The following STXBP5L variants were observed in gnomAD, a reference collection of about 807,000 sequenced individuals.
STXBP5L encodes syntaxin-binding protein 5-like.
STXBP5L carries 65 observed loss-of-function variants against 144.5 expected under a neutral mutation model. That is an observed-to-expected ratio of 0.45 (90% CI 0.37 to 0.55). The LOEUF (loss-of-function observed/expected upper bound fraction) is 0.55, where lower values mean the gene tolerates loss of function less well. Among genes scored for constraint, STXBP5L ranks in the 20% least tolerant of loss-of-function variants. The pLI is 0.00. For synonymous variants in STXBP5L, 505 were observed against 469.6 expected (o/e 1.08, Z -0.97); for missense variants, 1,298 against 1,405.5 (o/e 0.92, Z 1.22).
In STXBP5L at chr3:121,418,573, A is replaced by T. The variant is rs2047293741; in HGVS notation, c.3447+16A>T. The stretch of plus-strand genomic sequence containing the variant: ...TGCACATGAGGTAAACTGCCTAAGT[A>T]AATACAGACATCTTCATACAGGAGT... On this transcript the variant is annotated intron_variant, in intron 26 of 26. Transcript: ENST00000471454. The T allele has an allele frequency of 3.1e-6, 5 of 1,611,398 alleles. No individual in the cohort carries two copies. In the Admixed American group the frequency reaches 6.7e-5, roughly 22 times the overall value.
intron 1 of STXBP5L, 52 bp from the exon 2 acceptor site, chr3:120,909,519 T>C: frequency 6.6e-7 from 1 of 1,504,904 alleles, no homozygotes; most frequent in African/African-American, 1.4e-5. Flanking sequence ...AAGGTCTAAT[T>C]GCACGTGTTA....
intron 3 of STXBP5L, among the ~76,000 whole-genome samples, chr3:120,968,669 AC>A (rs1939880155): frequency 6.6e-6 from 1 of 152,080 alleles, no homozygotes; most frequent in Non-Finnish European, 1.5e-5. Flanking sequence ...TGCACCTGTT[AC>A]CTGAGCATTG....
chr3:121,365,787 T>C (rs1424206158), intron 20 of STXBP5L, among the ~76,000 whole-genome samples: 1 of 151,814 alleles, frequency 6.6e-6, no homozygotes, highest in East Asian at 1.9e-4. Flanking sequence ...TGCTCTAATG[T>C]TTATGTTTTC....
At chr3:121,180,567 A>G (rs1013922807) in intron 9 of STXBP5L, among the ~76,000 whole-genome samples, 2 of 152,248 alleles carry the variant, frequency 1.3e-5, no homozygotes, top group East Asian at 1.9e-4. Flanking sequence ...AATAACTTAC[A>G]TAATGAATAG....
chr3:121,079,948 GCTGT>G (rs1271154655), intron 5 of STXBP5L, among the ~76,000 whole-genome samples: 1 of 152,040 alleles, frequency 6.6e-6, no homozygotes, highest in Non-Finnish European at 1.5e-5. Flanking sequence ...TTATTGTGTT[GCTGT>G]CTATTTTATT....
intron 20 of STXBP5L, among the ~76,000 whole-genome samples, chr3:121,374,020 C>G (rs72969920): frequency 1.3e-5 from 2 of 152,184 alleles, no homozygotes; most frequent in African/African-American, 4.8e-5. Flanking sequence ...CTGACACCTG[C>G]ATGTGCCCCC....
chr3:120,953,845 A>G (rs1937720590), intron 2 of STXBP5L, among the ~76,000 whole-genome samples: 1 of 152,146 alleles, frequency 6.6e-6, no homozygotes, highest in South Asian at 2.1e-4. Flanking sequence ...CTTCAGTACA[A>G]TATTGAATAG....
intron 20 of STXBP5L, among the ~76,000 whole-genome samples, chr3:121,350,655 T>C (rs550470940): frequency 8.5e-5 from 13 of 152,254 alleles, no homozygotes; most frequent in Admixed American, 7.2e-4. Context: ...GCTTTGTTCG[T>C]TTCTTTTTAT....
chr3:121,245,359 AC>A (rs982525453), intron 14 of STXBP5L, among the ~76,000 whole-genome samples: 1 of 151,310 alleles, frequency 6.6e-6, no homozygotes, highest in Non-Finnish European at 1.5e-5. Context: ...AAAAAAAAAA[AC>A]AAAACCCAAA....
intron 5 of STXBP5L, among the ~76,000 whole-genome samples, chr3:121,071,120 C>T (rs377023712): frequency 2.4e-4 from 37 of 152,040 alleles, no homozygotes; most frequent in African/African-American, 8.9e-4. Flanking sequence ...TCCTGGTCCC[C>T]AATTATAACC....
intron 2 of STXBP5L, among the ~76,000 whole-genome samples, chr3:120,936,609 T>TA (rs1399182582): frequency 3.9e-5 from 6 of 151,994 alleles, no homozygotes; most frequent in Admixed American, 3.9e-4. Flanking sequence ...TAAAGTCTGA[T>TA]ACATGCAGGT....
At chr3:121,025,575 T>A (rs1945867615) in intron 3 of STXBP5L, among the ~76,000 whole-genome samples, 1 of 152,066 alleles carries the variant, frequency 6.6e-6, no homozygotes, top group Non-Finnish European at 1.5e-5. Context: ...ATATATTTCT[T>A]ACACTTTATT....
chr3:121,090,075 C>A (rs1306556257), intron 5 of STXBP5L, among the ~76,000 whole-genome samples: 2 of 151,950 alleles, frequency 1.3e-5, no homozygotes, highest in African/African-American at 4.8e-5. Context: ...TAACTATTGC[C>A]TTTTTTCATT....
intron 5 of STXBP5L, among the ~76,000 whole-genome samples, chr3:121,087,156 T>G (rs2042539446): frequency 2.0e-5 from 3 of 152,112 alleles, no homozygotes; most frequent in Admixed American, 1.3e-4. Flanking sequence ...AATGTCTATT[T>G]TGCTGTTGTT....
At chr3:121,355,395 G>A (rs113463218) in intron 20 of STXBP5L, among the ~76,000 whole-genome samples, 2,538 of 151,762 alleles carry the variant, frequency 0.017, 64 homozygotes, top group African/African-American at 0.057. Flanking sequence ...CTTTTTACTC[G>A]TTTTTCTCTA....
intron 9 of STXBP5L, among the ~76,000 whole-genome samples, chr3:121,187,060 C>G (rs1193200776): frequency 6.6e-6 from 1 of 152,136 alleles, no homozygotes; most frequent in Admixed American, 6.5e-5. Context: ...CATCCCATTA[C>G]TGGGTATATA....
At chr3:121,089,792 T>G (rs182703544) in intron 5 of STXBP5L, among the ~76,000 whole-genome samples, 246 of 152,170 alleles carry the variant, frequency 1.6e-3, no homozygotes, top group Non-Finnish European at 2.9e-3. Context: ...TTTTTCAGAT[T>G]GGTGAATAAA....
chr3:121,058,455 T>C (rs1948604045), intron 5 of STXBP5L, among the ~76,000 whole-genome samples: 1 of 152,364 alleles, frequency 6.6e-6, no homozygotes, highest in Non-Finnish European at 1.5e-5. Context: ...TGTGTCTTTA[T>C]AGTAGAATAA....
intron 5 of STXBP5L, among the ~76,000 whole-genome samples, chr3:121,075,603 CCT>C (rs1388197094): frequency 1.3e-5 from 2 of 152,214 alleles, no homozygotes; most frequent in African/African-American, 4.8e-5. Context: ...TTACCTGCAG[CCT>C]CTGTGTCAAA....
Sources: gnomAD v4.1 joint callset for allele counts (sites outside exome capture counted in the v4.1 genomes callset) on GRCh38, gnomAD v4.1.1 for gene constraint, MANE v1.5 for transcripts, NCBI Gene and HGNC (gene_info 2026-07-23, HGNC 2026-07-21) for gene names.